WDR20: variants seen among roughly 807,000 people sequenced by gnomAD.
WDR20 encodes the protein WD repeat domain 20.
A neutral mutation model predicts 38.7 loss-of-function variants in WDR20; 3 were observed. The observed-to-expected ratio is 0.08, with a 90% CI of 0.04 to 0.20. The LOEUF is 0.20. Ranked by LOEUF, WDR20 falls within the 10% of genes least tolerant of loss-of-function variation. The probability of loss-of-function intolerance (pLI) is 1.00; values close to 1 mark genes in which losing one functional copy is unlikely to be tolerated. For missense variants in WDR20, 559 were observed against 727.7 expected (o/e 0.77, Z 2.67); for synonymous variants, 298 against 285.6 (o/e 1.04, Z -0.44).
At chr14:102,205,983 T>G (rs938947947) in intron 2 of WDR20, among the ~76,000 whole-genome samples, 11 of 152,122 alleles carry the variant, frequency 7.2e-5, no homozygotes, top group African/African-American at 2.2e-4. Flanking sequence ...ACTGTTTTTT[T>G]TTGTTGTTGT....
chr14:102,217,330 C>T (rs2062123628), downstream of WDR20, among the ~76,000 whole-genome samples: 1 of 150,824 alleles, frequency 6.6e-6, no homozygotes, highest in Admixed American at 6.6e-5. Context: ...TGCTTTTCTT[C>T]CACCTTCAGA....
At chr14:102,180,609 G>A (rs1053078682) in intron 1 of WDR20, among the ~76,000 whole-genome samples, 98 of 152,318 alleles carry the variant, frequency 6.4e-4, no homozygotes, top group African/African-American at 2.3e-3. Flanking sequence ...TGGGCAACAA[G>A]AAAAGTGGGG....
In WDR20 at chr14:102,197,293, G is replaced by T. The variant is rs139725237; in HGVS notation, c.432+2173G>T. Among the ~76,000 whole-genome samples the T allele has an allele frequency of 4.6e-3, 694 of 152,308 alleles. 6 individuals carry two copies. The highest frequency in any genetic ancestry group is 0.016 in the African/African-American group (644 of 41,548). ...GCCAGATGAGCTCTTGCCCTTCCGG[G>T]AGCTCACAGTTTAGTAAGAATGGAC... On this transcript the variant is annotated intron_variant, in intron 2 of 2. Transcript: ENST00000342702.
In WDR20 at chr14:102,222,952, G is replaced by GC. The variant is rs2064089129; in HGVS notation, c.*70dup. 3.2e-5 allele frequency: 51 copies of GC among 1,590,524 alleles called. No homozygotes were observed. The South Asian group carries it at 5.2e-4, about 16-fold the overall frequency. ...AGGGAGTGACGAGGAGGAGCTCCGA[G>GC]CTGCGCCTGAGCCGTGCCAGCCGGC... On this transcript the variant is annotated 3_prime_UTR_variant, in exon 4 of 4. Transcript: ENST00000335263. This position sits in a 1 kb window ranked among gnomAD's most constrained non-coding sequence, Gnocchi z 4.4.
intron 1 of WDR20, among the ~76,000 whole-genome samples, chr14:102,180,218 CTT>C (rs1407163910): frequency 6.6e-6 from 1 of 152,182 alleles, no homozygotes; most frequent in African/African-American, 2.4e-5. Flanking sequence ...ATTCTGATCA[CTT>C]TACATATTTT....
At chr14:102,196,939 C>A (rs750579016) in intron 2 of WDR20, among the ~76,000 whole-genome samples, 47 of 152,322 alleles carry the variant, frequency 3.1e-4, no homozygotes, top group Admixed American at 5.2e-4. Flanking sequence ...AGGAGATCCT[C>A]TGGCCATGTG....
In WDR20 at chr14:102,222,478, G is replaced by C. The variant is rs77124771; in HGVS notation, c.1693-352G>C. Among the ~76,000 whole-genome samples, 100 of 152,318 alleles carry C rather than the reference G, an allele frequency of 6.6e-4. No homozygotes were observed. The highest frequency in any genetic ancestry group is 2.3e-3 in the African/African-American group (96 of 41,566). ...GGGCTCAACCCTGGCTGAAGGCGCT[G>C]AACACCTCCCACGAGGCACCTGCAC... On this transcript the variant is annotated intron_variant, in intron 3 of 3. Coordinates refer to the WDR20 transcript ENST00000335263. This position sits in a 1 kb window ranked among gnomAD's most constrained non-coding sequence, Gnocchi z 4.4.
intron 2 of WDR20, among the ~76,000 whole-genome samples, chr14:102,196,688 C>T (rs1245366062): frequency 6.6e-6 from 1 of 152,092 alleles, no homozygotes; most frequent in South Asian, 2.1e-4. Flanking sequence ...CCACACGTCC[C>T]CAGAATCTCA....
chr14:102,154,592 T>G (rs1287147683), intron 1 of WDR20, among the ~76,000 whole-genome samples: 1 of 152,234 alleles, frequency 6.6e-6, no homozygotes, highest in Non-Finnish European at 1.5e-5. Context: ...TGCATTTGTC[T>G]GTCTCTTTCA....
intron 1 of WDR20, among the ~76,000 whole-genome samples, chr14:102,160,020 C>CT (rs1466481648): frequency 6.6e-6 from 1 of 152,070 alleles, no homozygotes; most frequent in African/African-American, 2.4e-5. Context: ...GATAGGATGG[C>CT]TTAAGCCCAG....
intron 1 of WDR20, among the ~76,000 whole-genome samples, chr14:102,140,702 G>C (rs1435083870): frequency 1.3e-5 from 2 of 152,204 alleles, no homozygotes; most frequent in African/African-American, 4.8e-5. Context: ...ACCTGCTGCC[G>C]CACTGACACT....
intron 2 of WDR20, chr14:102,198,385 TG>T: frequency 4.1e-6 from 1 of 241,280 alleles, no homozygotes; most frequent in South Asian, 3.4e-5. Flanking sequence ...CCCAAAGTGC[TG>T]GAATTACAGG....
At position 102,222,768 on chromosome 14, in the gene WDR20, C is replaced by A; in HGVS notation, c.1693-62C>A. 2 of 1,590,318 alleles carry A rather than the reference C, an allele frequency of 1.3e-6. No individual in the cohort carries two copies. The highest frequency in any genetic ancestry group is 1.7e-6 in the Non-Finnish European group (2 of 1,159,186). On this transcript the variant is annotated intron_variant, in intron 3 of 3. Transcript: ENST00000335263. The surrounding 1 kb of genome is among the most constrained non-coding windows in gnomAD (Gnocchi z 4.4). Reference sequence around the variant, plus strand: ...CACGTGGAGCTGCTGGCGGAGGGCGCGCATGGTGGCTGTTGCCCGTCCGGT... The same window carrying A: ...CACGTGGAGCTGCTGGCGGAGGGCGAGCATGGTGGCTGTTGCCCGTCCGGT...
In WDR20 at chr14:102,210,262, A is replaced by G. The variant is rs551510018; in HGVS notation, c.*382A>G. ...GGAATATTTTTTGCTTAACTACTCA[A>G]TTAGAATATTGTACACCTGATCAAT... On this transcript the variant is annotated 3_prime_UTR_variant, in exon 3 of 3. Transcript: ENST00000342702. The G allele has an allele frequency of 3.5e-4, 358 of 1,011,090 alleles. 1 individual carries two copies. In the South Asian group the frequency reaches 0.012, roughly 34 times the overall value. The allele number at this position is 1,011,090 out of a possible 1,614,324, so 62.6% of individuals were successfully genotyped here.
intron 1 of WDR20, 73 bp downstream of exon 1, chr14:102,140,245 G>A: frequency 6.3e-7 from 1 of 1,581,040 alleles, no homozygotes; most frequent in Non-Finnish European, 8.5e-7. Context: ...TGACAGTGGG[G>A]CCAGGGTGAC....
chr14:102,139,960 A>G lies in WDR20; in HGVS notation c.37A>G (p.Ile13Val), dbSNP rs1053066547. ...GGGAGGAGGGAAGGAGATGAACGAGATTAAGACCCAATTCACCACCCGGGA... is the reference window on the plus strand; with the variant it reads ...GGGAGGAGGGAAGGAGATGAACGAGGTTAAGACCCAATTCACCACCCGGGA... ...TEGGGKEMNE[I>V]KTQFTTREGL... The change falls in exon 1 of 3, where the codon ATT (isoleucine) becomes GTT (valine). Residue 13 changes from isoleucine (I) to valine (V), a missense_variant. Coordinates refer to ENST00000342702, the MANE Select transcript of WDR20 (RefSeq NM_144574.4). The G allele has an allele frequency of 1.2e-6, 2 of 1,614,042 alleles. No homozygotes were observed. Among genetic ancestry groups the G allele is most frequent in the African/African-American group, 2.7e-5 (2 of 74,926 alleles).
chr14:102,192,839 G>A (rs868020255), intron 1 of WDR20, among the ~76,000 whole-genome samples: 3 of 152,018 alleles, frequency 2.0e-5, no homozygotes, highest in Non-Finnish European at 2.9e-5. Context: ...CATTTGTCTT[G>A]CTATGTCATC....
At chr14:102,200,460 TTTTTTTTTG>T (rs1408928691) in intron 2 of WDR20, among the ~76,000 whole-genome samples, 2 of 109,226 alleles carry the variant, frequency 1.8e-5, no homozygotes, top group Non-Finnish European at 4.0e-5. Context: ...TTTTTAAATT[TTTTTTTTTG>T]TGTGTGTGTG....
In WDR20 at chr14:102,196,177, G is replaced by C. The variant is rs974164392; in HGVS notation, c.432+1057G>C. ...TTCATGCAAATCAGTATCCACCCAGGGTGCTCCTGTTTGACATTGCCAGTG... is the reference window on the plus strand; with the variant it reads ...TTCATGCAAATCAGTATCCACCCAGCGTGCTCCTGTTTGACATTGCCAGTG... On this transcript the variant is annotated intron_variant, in intron 2 of 2. Coordinates refer to ENST00000342702, the MANE Select transcript of WDR20 (RefSeq NM_144574.4). Among the ~76,000 whole-genome samples, 12 of 152,172 alleles carry C rather than the reference G, an allele frequency of 7.9e-5. 1 individual carries two copies. Among genetic ancestry groups the C allele is most frequent in the African/African-American group, 2.9e-4 (12 of 41,490 alleles).
Sources: gnomAD v4.1 joint callset for allele counts (sites outside exome capture counted in the v4.1 genomes callset) on GRCh38, gnomAD v4.1.1 for gene constraint, Gnocchi (gnomAD v3.1) non-coding constraint, MANE v1.5 for transcripts, NCBI Gene and HGNC (gene_info 2026-07-23, HGNC 2026-07-21) for gene names.